ST6GALNAC5: variants seen among roughly 807,000 people sequenced by gnomAD.
ST6GALNAC5 encodes the protein alpha-N-acetylgalactosaminide alpha-2,6-sialyltransferase 5.
ST6GALNAC5 carries 27 observed loss-of-function variants against 33.6 expected under a neutral mutation model. The ratio of observed to expected loss-of-function variants is 0.80; its 90% CI spans 0.59 to 1.11. The LOEUF (loss-of-function observed/expected upper bound fraction) is 1.11. Among genes scored for constraint, ST6GALNAC5 ranks in the 50% least tolerant of loss-of-function variants. The pLI is 0.00. For synonymous variants in ST6GALNAC5, 194 were observed against 171.2 expected (o/e 1.13, Z -1.04); for missense variants, 428 against 454.0 (o/e 0.94, Z 0.52).
At chr1:76,884,823 A>G (rs769594123) in intron 2 of ST6GALNAC5, among the ~76,000 whole-genome samples, 1 of 152,220 alleles carries the variant, frequency 6.6e-6, no homozygotes, top group Non-Finnish European at 1.5e-5. Context: ...AAGAACATCA[A>G]TGGGCAAAAG....
At chr1:76,924,864 A>C (rs1647069905) in intron 2 of ST6GALNAC5, among the ~76,000 whole-genome samples, 1 of 152,152 alleles carries the variant, frequency 6.6e-6, no homozygotes, top group African/African-American at 2.4e-5. Context: ...GAAACTAAGG[A>C]GAGTAAGTAA....
chr1:77,025,635 C>T (rs994092028), intron 2 of ST6GALNAC5, among the ~76,000 whole-genome samples: 1 of 152,024 alleles, frequency 6.6e-6, no homozygotes, highest in Non-Finnish European at 1.5e-5. Context: ...GGCCCGGAGG[C>T]TGTGGTGGGG....
intron 2 of ST6GALNAC5, among the ~76,000 whole-genome samples, chr1:77,029,845 G>A (rs981673135): frequency 2.6e-5 from 4 of 152,202 alleles, no homozygotes; most frequent in Non-Finnish European, 5.9e-5. Flanking sequence ...CTAAATTATT[G>A]TTGAAGGTTC....
At chr1:76,963,196 C>T (rs1648314773) in intron 2 of ST6GALNAC5, among the ~76,000 whole-genome samples, 1 of 152,188 alleles carries the variant, frequency 6.6e-6, no homozygotes, top group Middle Eastern at 3.2e-3. Context: ...TATTGAAATA[C>T]TTATCACATT....
chr1:76,990,668 G>A (rs111931098), intron 2 of ST6GALNAC5, among the ~76,000 whole-genome samples: 1,809 of 152,162 alleles, frequency 0.012, 41 homozygotes, highest in African/African-American at 0.042. Flanking sequence ...TTCAAGAGCC[G>A]ATGGAAAAAT....
chr1:76,950,240 G>A (rs766681959), intron 2 of ST6GALNAC5, among the ~76,000 whole-genome samples: 4 of 152,158 alleles, frequency 2.6e-5, no homozygotes, highest in South Asian at 2.1e-4. Context: ...GCACTCTACC[G>A]TGCTAAATAA....
At chr1:76,927,289 T>A (rs1367280729) in intron 2 of ST6GALNAC5, among the ~76,000 whole-genome samples, 2 of 152,100 alleles carry the variant, frequency 1.3e-5, no homozygotes, top group Non-Finnish European at 2.9e-5. Flanking sequence ...TAAAATATAT[T>A]TTAGGAATGT....
chr1:76,927,521 GA>G (rs1178206528), intron 2 of ST6GALNAC5, among the ~76,000 whole-genome samples: 2 of 151,946 alleles, frequency 1.3e-5, no homozygotes, highest in African/African-American at 2.4e-5. Flanking sequence ...GTGATATCTT[GA>G]AAAAAATGAA....
intron 4 of ST6GALNAC5, among the ~76,000 whole-genome samples, chr1:77,060,963 A>G (rs1388921925): frequency 1.3e-5 from 2 of 152,206 alleles, no homozygotes; most frequent in East Asian, 1.9e-4. Context: ...ATTATGCCAT[A>G]TGAATATGGG....
At chr1:76,892,907 G>C (rs1468669005) in intron 2 of ST6GALNAC5, among the ~76,000 whole-genome samples, 1 of 152,156 alleles carries the variant, frequency 6.6e-6, no homozygotes, top group East Asian at 1.9e-4. Flanking sequence ...GCCTCTAGCT[G>C]CTGGTAGTTC....
chr1:77,004,353 A>G (rs1447821270), intron 2 of ST6GALNAC5, among the ~76,000 whole-genome samples: 1 of 148,018 alleles, frequency 6.8e-6, no homozygotes, highest in African/African-American at 2.4e-5. Flanking sequence ...CAGCTCCTTT[A>G]AGCACTTCTC....
At chr1:76,922,648 A>G (rs915532975) in intron 2 of ST6GALNAC5, among the ~76,000 whole-genome samples, 1 of 152,188 alleles carries the variant, frequency 6.6e-6, no homozygotes, top group African/African-American at 2.4e-5. Context: ...TGATCAATAG[A>G]ATAGAATGGA....
Position 77,044,599 on chromosome 1 carries a change from G to T in ST6GALNAC5, c.657G>T (p.Glu219Asp). ...MLQFDELFKQ[E>D]TGKDRKISNT... ...AGTTTGATGAGCTCTTCAAGCAGGA[G>T]ACTGGCAAAGACAGGTACAAAGGCA... Residue 219 changes from glutamate to aspartate, a missense_variant, in exon 3 of 5, where the codon GAG (glutamate) becomes GAT (aspartate). Transcript: ENST00000477717. 6.4e-7 allele frequency: 1 copy of T among 1,552,470 alleles called. No homozygotes were observed. The highest frequency in any genetic ancestry group is 1.2e-5 in the South Asian group (1 of 81,554).
At chr1:76,969,206 A>T (rs968016029) in intron 2 of ST6GALNAC5, among the ~76,000 whole-genome samples, 2 of 152,320 alleles carry the variant, frequency 1.3e-5, no homozygotes, top group African/African-American at 4.8e-5. Context: ...AAGCCGAAGC[A>T]GGGTGGTGCA....
At chr1:76,879,592 G>T (rs1337320903) in intron 2 of ST6GALNAC5, among the ~76,000 whole-genome samples, 1 of 152,192 alleles carries the variant, frequency 6.6e-6, no homozygotes, top group African/African-American at 2.4e-5. Flanking sequence ...GCAAACAGGG[G>T]TGTTGGGGTG....
At chr1:76,899,382 G>GGGGCACAGAGATAAGAGGTCA (rs1553165173) in intron 2 of ST6GALNAC5, among the ~76,000 whole-genome samples, 1 of 151,992 alleles carries the variant, frequency 6.6e-6, no homozygotes, top group Non-Finnish European at 1.5e-5. Context: ...ATAAGGGGTT[G>GGGGCACAGAGATAAGAGGTCA]GGGCACAGAG....
At position 77,063,278 on chromosome 1, in the gene ST6GALNAC5, C is replaced by T; in HGVS notation, c.*72C>T. 2.9e-6 allele frequency: 4 copies of T among 1,390,658 alleles called. No homozygotes were observed. Among genetic ancestry groups the T allele is most frequent in the Non-Finnish European group, 4.0e-6 (4 of 992,524 alleles). 86.1% of individuals were successfully genotyped at this position (1,390,658 alleles called of 1,614,324 possible). A position where few individuals can be genotyped will look rare whatever the true frequency, so the allele number is the denominator to read the frequency against. ...CACCGAGACACTGAACTTCCTGAGC[C>T]ACCAGACAGGAAAGGGTAGCAGAAA... is the stretch of plus-strand genomic sequence containing the variant. On this transcript the variant is annotated 3_prime_UTR_variant, in exon 5 of 5. Coordinates refer to ENST00000477717, the MANE Select transcript of ST6GALNAC5 (RefSeq NM_030965.3).
intron 2 of ST6GALNAC5, among the ~76,000 whole-genome samples, chr1:77,020,909 T>G (rs942949267): frequency 1.3e-5 from 2 of 152,216 alleles, no homozygotes; most frequent in Admixed American, 6.5e-5. Context: ...CACCTACAGA[T>G]GTCCTCTTGT....
intron 2 of ST6GALNAC5, among the ~76,000 whole-genome samples, chr1:76,909,001 T>C (rs958593010): frequency 6.6e-6 from 1 of 152,196 alleles, no homozygotes; most frequent in Non-Finnish European, 1.5e-5. Context: ...TACCCAGTGG[T>C]TATTATAGCT....
Sources: gnomAD v4.1 joint callset for allele counts (sites outside exome capture counted in the v4.1 genomes callset) on GRCh38, gnomAD v4.1.1 for gene constraint, MANE v1.5 for transcripts, NCBI Gene and HGNC (gene_info 2026-07-23, HGNC 2026-07-21) for gene names.